Variants in GHR observed in about 807,000 individuals in gnomAD.
GHR encodes the protein GH receptor.
A neutral mutation model predicts 67.1 loss-of-function variants in GHR; 35 were observed. That is an observed-to-expected ratio of 0.52 (90% CI 0.40 to 0.69). The LOEUF is 0.69. GHR is among the 30% of genes least tolerant of loss of function. The pLI is 0.00. For synonymous variants in GHR, 272 were observed against 269.1 expected (o/e 1.01, Z -0.10); for missense variants, 792 against 764.6 (o/e 1.04, Z -0.42).
chr5:42,598,802 G>A (rs917040683), intron 2 of GHR, among the ~76,000 whole-genome samples: 4 of 152,122 alleles, frequency 2.6e-5, no homozygotes, highest in African/African-American at 4.8e-5. Context: ...TTCAAGAAAT[G>A]TATTTCTTTA....
chr5:42,666,645 T>C (rs1450258501), intron 3 of GHR, among the ~76,000 whole-genome samples: 2 of 152,180 alleles, frequency 1.3e-5, no homozygotes, highest in Admixed American at 6.5e-5. Context: ...GAAAGACCCA[T>C]GGCTACCATA....
At chr5:42,481,697 T>C (rs1441727025) in intron 1 of GHR, among the ~76,000 whole-genome samples, 5 of 152,206 alleles carry the variant, frequency 3.3e-5, no homozygotes, top group Admixed American at 3.3e-4. Flanking sequence ...CTTCTGCATT[T>C]GTCACGTAAT....
intron 1 of GHR, among the ~76,000 whole-genome samples, chr5:42,443,436 C>T (rs1209425458): frequency 1.3e-5 from 2 of 151,974 alleles, no homozygotes; most frequent in Non-Finnish European, 2.9e-5. Context: ...AAAGAAAGCC[C>T]AGTAAAGCTT....
chr5:42,709,859 G>A (rs543719939), intron 6 of GHR, among the ~76,000 whole-genome samples: 6 of 152,094 alleles, frequency 3.9e-5, no homozygotes, highest in African/African-American at 4.8e-5. Flanking sequence ...TAGGAGCCAC[G>A]TAAGTAGGAG....
At chr5:42,487,830 G>T (rs1379789586) in intron 1 of GHR, among the ~76,000 whole-genome samples, 1 of 152,134 alleles carries the variant, frequency 6.6e-6, no homozygotes, top group Non-Finnish European at 1.5e-5. Context: ...ATCTAAAAAT[G>T]CTCCAACTGT....
chr5:42,443,629 T>C (rs1743677634), intron 1 of GHR, among the ~76,000 whole-genome samples: 1 of 152,054 alleles, frequency 6.6e-6, no homozygotes, highest in Non-Finnish European at 1.5e-5. Context: ...TGTGTGTGTG[T>C]GTAGATTTAT....
chr5:42,594,544 G>C (rs1751963295), intron 2 of GHR, among the ~76,000 whole-genome samples: 1 of 152,112 alleles, frequency 6.6e-6, no homozygotes, highest in Non-Finnish European at 1.5e-5. Flanking sequence ...TATGTTTAAA[G>C]CTGACCTTTT....
chr5:42,567,765 C>CTG (rs1750026847), intron 2 of GHR, among the ~76,000 whole-genome samples: 2 of 124,942 alleles, frequency 1.6e-5, no homozygotes, highest in Admixed American at 8.6e-5. Context: ...GCATGCTTGG[C>CTG]TCTGTGTGTG....
intron 1 of GHR, among the ~76,000 whole-genome samples, chr5:42,447,019 C>G (rs1377778771): frequency 6.6e-6 from 1 of 152,182 alleles, no homozygotes; most frequent in Non-Finnish European, 1.5e-5. Flanking sequence ...CCTTTTCATG[C>G]TGTTGCAAGG....
chr5:42,503,288 G>A (rs929979232), intron 1 of GHR, among the ~76,000 whole-genome samples: 1 of 152,108 alleles, frequency 6.6e-6, no homozygotes, highest in African/African-American at 2.4e-5. Flanking sequence ...TCAGAAATGG[G>A]TAGTGTCAAA....
intron 1 of GHR, among the ~76,000 whole-genome samples, chr5:42,560,570 A>T (rs150311659): frequency 6.6e-6 from 1 of 152,294 alleles, no homozygotes; most frequent in Non-Finnish European, 1.5e-5. Flanking sequence ...CATTAAATTC[A>T]CATGATACTC....
chr5:42,583,848 A>AAAATAAAGATATATATATCTTT (rs1293005603), intron 2 of GHR, among the ~76,000 whole-genome samples: 15 of 149,748 alleles, frequency 1.0e-4, no homozygotes, highest in African/African-American at 2.4e-4. Context: ...AATCTTGCAA[A>AAAATAAAGATATATATATCTTT]AAATAAAGAT....
At position 42,688,365 on chromosome 5, in the gene GHR, C is replaced by A. The variant is rs571374328; in HGVS notation, c.137-525C>A. On this transcript the variant is annotated intron_variant, in intron 3 of 9. Coordinates refer to ENST00000230882, the MANE Select transcript of GHR (RefSeq NM_000163.5). ...TGAACATCTCTGAGGCACCCTTCAA[C>A]CAGTGAGTACTGGGAGCGGTAGATA... 3.3e-5 allele frequency among the ~76,000 whole-genome samples: 5 copies of A among 152,338 alleles called. No individual in the cohort carries two copies. In the East Asian group the frequency reaches 9.6e-4, roughly 29 times the overall value.
At chr5:42,582,565 G>A (rs1186802189) in intron 2 of GHR, among the ~76,000 whole-genome samples, 3 of 152,164 alleles carry the variant, frequency 2.0e-5, no homozygotes, top group African/African-American at 7.2e-5. Flanking sequence ...TCCTGGATGT[G>A]GGACAAGAAC....
rs567824229 is a variant in GHR at position 42,555,247 on chromosome 5, A to C, written c.-11-10617A>C. Among the ~76,000 whole-genome samples the C allele has an allele frequency of 9.8e-5, 15 of 152,330 alleles. No individual in the cohort carries two copies. The East Asian group carries it at 2.7e-3, about 27-fold the overall frequency. Reference sequence around the variant, plus strand: ...AGACCAGGTGCTATTGGAGGTTCTAAGGCATAGCGATAAATATTACATCCC... The same window carrying C: ...AGACCAGGTGCTATTGGAGGTTCTACGGCATAGCGATAAATATTACATCCC... On this transcript the variant is annotated intron_variant, in intron 1 of 9. Coordinates refer to ENST00000230882, the MANE Select transcript of GHR (RefSeq NM_000163.5).
chr5:42,615,091 A>G (rs1580059454), intron 2 of GHR, among the ~76,000 whole-genome samples: 1 of 152,054 alleles, frequency 6.6e-6, no homozygotes, highest in Admixed American at 6.6e-5. Flanking sequence ...GAGAAGTACA[A>G]TAATGTGGCA....
At chr5:42,549,645 A>G (rs6898305) in intron 1 of GHR, 15,514 of 983,208 alleles carry the variant, frequency 0.016, 165 homozygotes, top group Middle Eastern at 0.029. Flanking sequence ...TTCTGAGAAG[A>G]TTCCTTTGTG....
At chr5:42,534,839 T>A (rs1748186031) in intron 1 of GHR, among the ~76,000 whole-genome samples, 1 of 152,050 alleles carries the variant, frequency 6.6e-6, no homozygotes, top group Non-Finnish European at 1.5e-5. Flanking sequence ...TATTATTATT[T>A]TTTTTATTAT....
chr5:42,654,248 A>G (rs939127504), intron 3 of GHR, among the ~76,000 whole-genome samples: 1 of 152,128 alleles, frequency 6.6e-6, no homozygotes, highest in Non-Finnish European at 1.5e-5. Flanking sequence ...CCATCTATAA[A>G]ATGAGAATAA....
Sources: allele counts gnomAD v4.1 joint callset (sites outside exome capture counted in the v4.1 genomes callset), GRCh38; gene constraint gnomAD v4.1.1; transcripts MANE v1.5; gene names NCBI Gene and HGNC (gene_info 2026-07-23, HGNC 2026-07-21).